Variants in CEP128 observed in about 807,000 individuals in gnomAD.
CEP128 encodes centrosomal protein 128.
A neutral mutation model predicts 156.7 loss-of-function variants in CEP128; 132 were observed. The ratio of observed to expected loss-of-function variants is 0.84; its 90% CI spans 0.73 to 0.97. The LOEUF (loss-of-function observed/expected upper bound fraction) is 0.97. Ranked by LOEUF, CEP128 falls within the 50% of genes least tolerant of loss-of-function variation. CEP128 has a pLI of 0.00. For missense variants in CEP128, 1,252 were observed against 1,281.9 expected (o/e 0.98, Z 0.36); for synonymous variants, 469 against 448.9 (o/e 1.04, Z -0.57).
intron 24 of CEP128, among the ~76,000 whole-genome samples, chr14:80,503,300 G>C (rs1350728840): frequency 6.6e-6 from 1 of 152,106 alleles, no homozygotes; most frequent in African/African-American, 2.4e-5. Context: ...TTTTCAGCCA[G>C]TGTATATCTA....
intron 20 of CEP128, among the ~76,000 whole-genome samples, chr14:80,578,328 G>A (rs1024628259): frequency 2.6e-5 from 4 of 151,964 alleles, no homozygotes; most frequent in Non-Finnish European, 5.9e-5. Context: ...AATTGGAAAG[G>A]GTTTAGAGCT....
At chr14:80,849,823 T>C (rs1453516719) in intron 9 of CEP128, among the ~76,000 whole-genome samples, 3 of 151,698 alleles carry the variant, frequency 2.0e-5, no homozygotes, top group Non-Finnish European at 2.9e-5. Flanking sequence ...TGGACAACAG[T>C]GTACAAAAGG....
In CEP128 at chr14:80,531,465, T is replaced by C. The variant is rs141567349; in HGVS notation, c.2881-579A>G. On this transcript the variant is annotated intron_variant, in intron 21 of 24. Transcript: ENST00000555265. ...AGTCAATAACTTATTACACAGTCTT[T>C]AATTAGCTGATCACTGTTACACCCA... Among the ~76,000 whole-genome samples the C allele has an allele frequency of 8.4e-3, 1,286 of 152,350 alleles. 3 individuals are homozygous for C. The highest frequency in any genetic ancestry group is 0.014 in the Non-Finnish European group (940 of 68,026).
intron 23 of CEP128, among the ~76,000 whole-genome samples, chr14:80,522,939 T>C (rs970668150): frequency 2.6e-5 from 4 of 152,246 alleles, no homozygotes; most frequent in African/African-American, 9.6e-5. Context: ...AAGACAATAT[T>C]ACATTATGCT....
chr14:80,734,214 A>G (rs1349390722), intron 19 of CEP128, among the ~76,000 whole-genome samples: 1 of 152,192 alleles, frequency 6.6e-6, no homozygotes, highest in East Asian at 1.9e-4. Context: ...TAGTAGACAC[A>G]GTGTCGATGG....
intron 19 of CEP128, among the ~76,000 whole-genome samples, chr14:80,647,015 G>A (rs578237608): frequency 0.28 from 21,231 of 77,050 alleles, 4,586 homozygotes; most frequent in Non-Finnish European, 0.39. Context: ...ATATATATGT[G>A]TGTGTATATA....
intron 17 of CEP128, among the ~76,000 whole-genome samples, chr14:80,758,059 T>C (rs1457422846): frequency 6.6e-6 from 1 of 152,256 alleles, no homozygotes; most frequent in Non-Finnish European, 1.5e-5. Context: ...TACACTTTTA[T>C]TATTCTTTTT....
intron 20 of CEP128, among the ~76,000 whole-genome samples, chr14:80,562,187 A>C (rs1046561695): frequency 6.6e-6 from 1 of 152,014 alleles, no homozygotes; most frequent in African/African-American, 2.4e-5. Context: ...CAGCCTCCCA[A>C]AGTGCAATAA....
At chr14:80,677,857 T>G (rs1896128455) in intron 19 of CEP128, among the ~76,000 whole-genome samples, 2 of 151,890 alleles carry the variant, frequency 1.3e-5, no homozygotes, top group Admixed American at 6.6e-5. Flanking sequence ...ACTGTGTGCA[T>G]AAAAAAAGTA....
chr14:80,955,377 G>A, intron 2 of CEP128: 1 of 506,488 alleles, frequency 2.0e-6, no homozygotes, highest in Non-Finnish European at 3.6e-6. Flanking sequence ...AAAACAGAGG[G>A]GACAGCCAGG....
intron 21 of CEP128, among the ~76,000 whole-genome samples, chr14:80,546,407 T>C (rs1273750703): frequency 6.6e-6 from 1 of 152,200 alleles, no homozygotes; most frequent in African/African-American, 2.4e-5. Context: ...GGCTTTTACC[T>C]TACCCTGTCA....
rs569230155 is a variant in CEP128, at chr14:80,689,349, T to A, written c.2806+53726A>T. 4.1e-4 allele frequency among the ~76,000 whole-genome samples: 60 copies of A among 145,612 alleles called. 1 individual carries two copies. The South Asian group carries it at 0.012, about 28-fold the overall frequency. On this transcript the variant is annotated intron_variant, in intron 19 of 24. Transcript: ENST00000555265. Reference sequence around the variant, plus strand: ...ATCTTTATCCTCAAGGAGCTTATAGTCTAAATAGGAGGAGATCAAGCTACA... The same window carrying A: ...ATCTTTATCCTCAAGGAGCTTATAGACTAAATAGGAGGAGATCAAGCTACA...
At chr14:80,489,852 G>C (rs1887263915), downstream of CEP128, among the ~76,000 whole-genome samples, 1 of 150,986 alleles carries the variant, frequency 6.6e-6, no homozygotes, top group Non-Finnish European at 1.5e-5. Flanking sequence ...GTATCTTGTA[G>C]GGATTCAGTA....
At chr14:80,701,938 C>CA (rs1897089783) in intron 19 of CEP128, among the ~76,000 whole-genome samples, 1 of 152,134 alleles carries the variant, frequency 6.6e-6, no homozygotes, top group African/African-American at 2.4e-5. Flanking sequence ...AAGATGTGCA[C>CA]ATGAATACAT....
chr14:80,874,612 AATATAGTTTGT>A (rs1425025347), intron 8 of CEP128, among the ~76,000 whole-genome samples: 1 of 152,080 alleles, frequency 6.6e-6, no homozygotes, highest in African/African-American at 2.4e-5. Context: ...GAATATTTTA[AATATAGTTTGT>A]TTGTTTGTTT....
At chr14:80,528,210 T>C (rs1566759019) in intron 22 of CEP128, among the ~76,000 whole-genome samples, 1 of 152,226 alleles carries the variant, frequency 6.6e-6, no homozygotes, top group Non-Finnish European at 1.5e-5. Context: ...TTGTGGCAGA[T>C]TGGACTTAGA....
At chr14:80,563,510 A>G (rs938789560) in intron 20 of CEP128, among the ~76,000 whole-genome samples, 1 of 142,912 alleles carries the variant, frequency 7.0e-6, no homozygotes, top group Non-Finnish European at 1.5e-5. Context: ...AAGCCTACCC[A>G]TGGGCCTCCA....
intron 1 of CEP128, among the ~76,000 whole-genome samples, chr14:80,958,473 C>T (rs1288951098): frequency 6.6e-6 from 1 of 152,056 alleles, no homozygotes; most frequent in East Asian, 1.9e-4. Flanking sequence ...AGAAAAAAGT[C>T]TGAAAACAAG....
chr14:80,715,059 C>CA (rs888940731), intron 19 of CEP128, among the ~76,000 whole-genome samples: 5 of 151,884 alleles, frequency 3.3e-5, no homozygotes, highest in African/African-American at 9.7e-5. Context: ...TCCACATCTG[C>CA]AAAAAATACA....
Sources: gnomAD v4.1 joint callset for allele counts (sites outside exome capture counted in the v4.1 genomes callset) on GRCh38, gnomAD v4.1.1 for gene constraint, MANE v1.5 for transcripts, NCBI Gene and HGNC (gene_info 2026-07-23, HGNC 2026-07-21) for gene names.